Variants in TLN2 observed in about 807,000 individuals in gnomAD.
TLN2 encodes talin 2.
TLN2 carries 118 observed loss-of-function variants against 294.7 expected under a neutral mutation model. The observed-to-expected ratio is 0.40, with a 90% confidence interval of 0.34 to 0.47. The LOEUF (loss-of-function observed/expected upper bound fraction) is 0.47, where lower values mean the gene tolerates loss of function less well. Ranked by LOEUF, TLN2 falls within the 20% of genes least tolerant of loss-of-function variation. The pLI is 0.84. For missense variants in TLN2, 3,083 were observed against 3,282.2 expected (o/e 0.94, Z 1.48); for synonymous variants, 1,431 against 1,304.5 (o/e 1.10, Z -2.09).
intron 9 of TLN2, among the ~76,000 whole-genome samples, chr15:62,667,534 G>A (rs6494345): frequency 1.3e-5 from 2 of 151,962 alleles, no homozygotes; most frequent in Admixed American, 1.3e-4. Flanking sequence ...GATCCCCTCC[G>A]CTCTCACAAA....
intron 1 of TLN2, among the ~76,000 whole-genome samples, chr15:62,435,352 G>A (rs1012545201): frequency 1.4e-4 from 21 of 152,176 alleles, no homozygotes; most frequent in African/African-American, 2.6e-4. Context: ...ACTATCTTCC[G>A]CGATGGTTGA....
intron 32 of TLN2, among the ~76,000 whole-genome samples, chr15:62,742,323 C>G (rs2061386067): frequency 6.6e-6 from 1 of 152,024 alleles, no homozygotes; most frequent in Non-Finnish European, 1.5e-5. Context: ...ATAGAAAACC[C>G]CCTCTTGATC....
intron 1 of TLN2, among the ~76,000 whole-genome samples, chr15:62,478,541 A>C (rs2037911730): frequency 6.6e-6 from 1 of 151,984 alleles, no homozygotes; most frequent in South Asian, 2.1e-4. Context: ...CTTCTTGTCT[A>C]CCTCTGCCCA....
chr15:62,587,264 C>T (rs1467810184), intron 1 of TLN2, among the ~76,000 whole-genome samples: 4 of 151,894 alleles, frequency 2.6e-5, no homozygotes, highest in African/African-American at 9.6e-5. Context: ...TATTCCTTAA[C>T]TTCAACACGA....
chr15:62,540,295 G>A (rs536874633), intron 1 of TLN2, among the ~76,000 whole-genome samples: 8 of 151,852 alleles, frequency 5.3e-5, no homozygotes, highest in African/African-American at 1.7e-4. Flanking sequence ...AGCCAAGATC[G>A]CACCACTGCA....
chr15:62,775,703 A>G (rs560272877), intron 42 of TLN2, among the ~76,000 whole-genome samples: 1 of 152,258 alleles, frequency 6.6e-6, no homozygotes, highest in African/African-American at 2.4e-5. Context: ...CTTCTCATTT[A>G]CCAAAGTAAA....
At chr15:62,769,127 A>G (rs2063196587) in intron 41 of TLN2, among the ~76,000 whole-genome samples, 1 of 152,256 alleles carries the variant, frequency 6.6e-6, no homozygotes, top group Non-Finnish European at 1.5e-5. Flanking sequence ...TGACAGTTGC[A>G]TTGATGAAAC....
intron 37 of TLN2, among the ~76,000 whole-genome samples, chr15:62,755,922 C>G (rs530852331): frequency 2.6e-5 from 4 of 152,302 alleles, no homozygotes; most frequent in African/African-American, 7.2e-5. Flanking sequence ...GGAAGGAGGC[C>G]TCCCCAAATT....
chr15:62,749,698 C>G (rs1017474611), intron 33 of TLN2, among the ~76,000 whole-genome samples: 1 of 152,178 alleles, frequency 6.6e-6, no homozygotes, highest in Non-Finnish European at 1.5e-5. Context: ...TACATTCTCA[C>G]TCTCTGGGGA....
intron 2 of TLN2, among the ~76,000 whole-genome samples, chr15:62,605,278 A>T (rs765925370): frequency 2.0e-5 from 3 of 152,258 alleles, no homozygotes; most frequent in Non-Finnish European, 2.9e-5. Context: ...ATTATACTAA[A>T]ATATAATTAA....
At chr15:62,713,974 A>AT (rs1228682269) in intron 22 of TLN2, among the ~76,000 whole-genome samples, 1 of 145,778 alleles carries the variant, frequency 6.9e-6, no homozygotes, top group East Asian at 2.0e-4. Context: ...TAGTAGTTGA[A>AT]TTTTTTAAAA....
chr15:62,450,945 C>T (rs1026442849), intron 1 of TLN2, among the ~76,000 whole-genome samples: 1 of 150,186 alleles, frequency 6.7e-6, no homozygotes, highest in Non-Finnish European at 1.5e-5. Flanking sequence ...TCTGAGGATC[C>T]CTGCCTTTAC....
chr15:62,678,517 T>C (rs2056478247), intron 11 of TLN2, among the ~76,000 whole-genome samples: 1 of 152,216 alleles, frequency 6.6e-6, no homozygotes. Context: ...AGTATCATAC[T>C]TAATAGAAAT....
rs1286123625 is a variant in TLN2 at position 62,835,571 on chromosome 15, G to A, written c.7129-166G>A. 3 of 707,996 alleles carry A rather than the reference G, an allele frequency of 4.2e-6. No homozygotes were observed. In the Admixed American group the frequency reaches 7.1e-5, roughly 17 times the overall value. The allele number at this position is 707,996 out of a possible 1,614,324, so 43.9% of individuals were successfully genotyped here. On this transcript the variant is annotated intron_variant, in intron 55 of 58. Coordinates refer to ENST00000636159, the MANE Select transcript of TLN2 (RefSeq NM_015059.3). ...GTGCTGTGCAATCTTTCTTGGCATG[G>A]CCTGAGTCCCACGTGAGAAAGGTTG...
chr15:62,655,940 G>A lies in TLN2; in HGVS notation c.518-4G>A. 1 of 1,614,152 alleles carries A rather than the reference G, an allele frequency of 6.2e-7. No individual in the cohort carries two copies. Among genetic ancestry groups the A allele is most frequent in the Non-Finnish European group, 8.5e-7 (1 of 1,180,026 alleles). ...GTTCTCTTATATGTCTTGTTGTGTTGCAGTAAATTGGCTGGATCACAGCCG... is the reference window on the plus strand; with the variant it reads ...GTTCTCTTATATGTCTTGTTGTGTTACAGTAAATTGGCTGGATCACAGCCG... On this transcript the variant is annotated splice_region_variant and splice_polypyrimidine_tract_variant and intron_variant, in intron 7 of 58. Coordinates refer to ENST00000636159, the MANE Select transcript of TLN2 (RefSeq NM_015059.3).
In TLN2 at chr15:62,840,557, C is replaced by T. The variant is rs1442958632; in HGVS notation, c.7576C>T (p.Arg2526Cys). Residue 2526 changes from arginine to cysteine, a missense_variant, in exon 59 of 59, where the codon CGC becomes TGC. Arg to Cys is a radical substitution (Grantham distance 180). Coordinates refer to ENST00000636159, the MANE Select transcript of TLN2 (RefSeq NM_015059.3). ...EEARKKLAQIRQQQYKFLPTE... is the reference protein window; with the variant it reads ...EEARKKLAQICQQQYKFLPTE... ...AGCAAGGAAAAAACTGGCCCAAATC[C>T]GCCAGCAGCAGTATAAGTTTTTACC... The T allele has an allele frequency of 6.2e-7, 1 of 1,614,144 alleles. No homozygotes were observed.
At chr15:62,564,476 G>C (rs1315807134) in intron 1 of TLN2, among the ~76,000 whole-genome samples, 1 of 152,212 alleles carries the variant, frequency 6.6e-6, no homozygotes, top group East Asian at 1.9e-4. Context: ...AAGGCGAGAT[G>C]AAGTTCTGTG....
intron 3 of TLN2, among the ~76,000 whole-genome samples, chr15:62,638,915 A>T (rs1362011001): frequency 3.3e-5 from 5 of 152,186 alleles, no homozygotes; most frequent in Admixed American, 3.3e-4. Context: ...CATGAAGTTC[A>T]GCATCTGTGG....
chr15:62,519,606 G>C (rs770818609), intron 1 of TLN2, among the ~76,000 whole-genome samples: 1 of 152,234 alleles, frequency 6.6e-6, no homozygotes, highest in Non-Finnish European at 1.5e-5. Context: ...TATGCCAGCT[G>C]CTAGGATTAG....
Sources: allele counts gnomAD v4.1 joint callset (sites outside exome capture counted in the v4.1 genomes callset), GRCh38; gene constraint gnomAD v4.1.1; transcripts MANE v1.5; gene names NCBI Gene and HGNC (gene_info 2026-07-23, HGNC 2026-07-21).